The following DPF3 variants were observed in gnomAD, a reference collection of about 807,000 sequenced individuals.
DPF3 encodes double PHD fingers 3.
In DPF3, 18 loss-of-function variants were observed where a neutral mutation model predicts 56.8. The ratio of observed to expected loss-of-function variants is 0.32; its 90% CI spans 0.22 to 0.47. The LOEUF is 0.47. Among genes scored for constraint, DPF3 ranks in the 20% least tolerant of loss-of-function variants. The pLI, the probability that DPF3 is intolerant of heterozygous loss-of-function variation, is 1.00. For missense variants in DPF3, 403 were observed against 488.8 expected, an observed-to-expected ratio of 0.82 and a Z score of 1.65; for synonymous variants, 188 against 180.2, an observed-to-expected ratio of 1.04 and a Z score of -0.35.
intron 4 of DPF3, among the ~76,000 whole-genome samples, chr14:72,726,005 G>A (rs569392520): frequency 5.9e-5 from 9 of 152,350 alleles, no homozygotes; most frequent in Admixed American, 5.9e-4. Flanking sequence ...ATTGTCTGCT[G>A]GACATGACCT....
chr14:72,805,051 G>GACACAC (rs138162317), intron 1 of DPF3, among the ~76,000 whole-genome samples: 4 of 146,362 alleles, frequency 2.7e-5, no homozygotes, highest in African/African-American at 5.1e-5. Flanking sequence ...CACAGCCCTG[G>GACACAC]ACACACACAC....
intron 8 of DPF3, among the ~76,000 whole-genome samples, chr14:72,644,675 C>T (rs973464243): frequency 1.7e-4 from 26 of 152,166 alleles, no homozygotes; most frequent in African/African-American, 6.0e-4. Context: ...AGGGCCTTTC[C>T]TGGTACTTTG....
At chr14:72,792,104 C>G (rs114025955) in intron 1 of DPF3, among the ~76,000 whole-genome samples, 4,427 of 152,010 alleles carry the variant, frequency 0.029, 232 homozygotes, top group African/African-American at 0.1. Flanking sequence ...CGCCCCCAAC[C>G]CCGACCCACT....
chr14:72,714,035 T>G (rs1215556479), intron 6 of DPF3, among the ~76,000 whole-genome samples: 1 of 152,138 alleles, frequency 6.6e-6, no homozygotes, highest in East Asian at 1.9e-4. Flanking sequence ...GCCAAGTACC[T>G]TTGTCGGAGG....
At chr14:72,871,466 T>C (rs1431888328) in intron 1 of DPF3, among the ~76,000 whole-genome samples, 1 of 152,170 alleles carries the variant, frequency 6.6e-6, no homozygotes, top group Non-Finnish European at 1.5e-5. Flanking sequence ...TGGGAGAAAT[T>C]GGCCACAACA....
intron 8 of DPF3, among the ~76,000 whole-genome samples, chr14:72,638,786 G>A (rs566577185): frequency 6.6e-6 from 1 of 151,930 alleles, no homozygotes; most frequent in African/African-American, 2.4e-5. Context: ...AGGACTGACA[G>A]TGTACTCATG....
chr14:72,630,512 G>A (rs200652206), intron 8 of DPF3, among the ~76,000 whole-genome samples: 14 of 152,300 alleles, frequency 9.2e-5, no homozygotes, highest in East Asian at 5.8e-4. Context: ...CACAGCCCCC[G>A]TGAGCCATGC....
At chr14:72,753,134 T>G (rs1054785140) in intron 3 of DPF3, 130 bp downstream of exon 3, 2 of 724,430 alleles carry the variant, frequency 2.8e-6, no homozygotes, top group Admixed American at 5.6e-5. Flanking sequence ...TTAAGCATGA[T>G]GTGGGCATGT....
intron 3 of DPF3, among the ~76,000 whole-genome samples, chr14:72,738,846 GTA>G (rs1173188382): frequency 6.6e-6 from 1 of 151,960 alleles, no homozygotes; most frequent in African/African-American, 2.4e-5. Context: ...ATTTCACAAT[GTA>G]TATATATATT....
chr14:72,799,613 C>T (rs886537181), intron 1 of DPF3, among the ~76,000 whole-genome samples: 6 of 151,834 alleles, frequency 4.0e-5, no homozygotes, highest in Non-Finnish European at 7.4e-5. Context: ...GCACTCCAAC[C>T]TGGGCAACAG....
intron 8 of DPF3, among the ~76,000 whole-genome samples, chr14:72,636,972 A>G (rs1885403071): frequency 6.6e-6 from 1 of 152,224 alleles, no homozygotes; most frequent in Admixed American, 6.5e-5. Context: ...CTGTGCATCC[A>G]GCTCCACTCC....
chr14:72,688,400 A>G (rs1487008676), intron 7 of DPF3, among the ~76,000 whole-genome samples: 2 of 152,184 alleles, frequency 1.3e-5, no homozygotes, highest in Admixed American at 6.5e-5. Flanking sequence ...ACAGCTTTTC[A>G]TCCAGGCCCA....
At chr14:72,732,865 T>TTTCC (rs1889723258) in intron 3 of DPF3, among the ~76,000 whole-genome samples, 1 of 152,068 alleles carries the variant, frequency 6.6e-6, no homozygotes, top group Non-Finnish European at 1.5e-5. Flanking sequence ...CCTTTCTTTC[T>TTTCC]TTCCATTCTC....
At chr14:72,872,768 C>T (rs1278839303) in intron 1 of DPF3, among the ~76,000 whole-genome samples, 1 of 152,082 alleles carries the variant, frequency 6.6e-6, no homozygotes, top group Non-Finnish European at 1.5e-5. Flanking sequence ...AATAATGCCG[C>T]ATATCTACAA....
intron 2 of DPF3, among the ~76,000 whole-genome samples, chr14:72,758,419 G>C (rs773420188): frequency 6.6e-6 from 1 of 152,176 alleles, no homozygotes; most frequent in Non-Finnish European, 1.5e-5. Flanking sequence ...CCACGTTTGA[G>C]TTGAAGAGAA....
chr14:72,616,692 T>C lies in DPF3; in HGVS notation c.*2605A>G, dbSNP rs115672719. Among the ~76,000 whole-genome samples, 2,691 of 152,264 alleles carry C rather than the reference T, an allele frequency of 0.018. 82 individuals carry two copies. The highest frequency in any genetic ancestry group is 0.062 in the African/African-American group (2,568 of 41,530). ...GGGAGGTTAGGTGACTTGCCCAGTG[T>C]CACACAGCTACTCCATGGCAGAGGC... On this transcript the variant is annotated 3_prime_UTR_variant, in exon 11 of 11. Coordinates refer to ENST00000556509, the MANE Select transcript of DPF3 (RefSeq NM_001280542.3).
In DPF3 at chr14:72,614,006, G is replaced by A. The variant is rs2153565156; in HGVS notation, c.*5291C>T. ...CCCCACTCTCAGCTGTCCACTCACA[G>A]ACCAGAGGGTCTCCAGCCTCCCTAG... On this transcript the variant is annotated 3_prime_UTR_variant, in exon 11 of 11. Transcript: ENST00000556509. Among the ~76,000 whole-genome samples, 3 of 152,062 alleles carry A rather than the reference G, an allele frequency of 2.0e-5. No individual in the cohort carries two copies. The East Asian group carries it at 5.8e-4, about 29-fold the overall frequency.
intron 8 of DPF3, among the ~76,000 whole-genome samples, chr14:72,638,817 A>G (rs1270284330): frequency 9.1e-5 from 11 of 121,038 alleles, no homozygotes; most frequent in Admixed American, 4.1e-4. Flanking sequence ...ACTTTGTTTT[A>G]CATTTTTTTT....
intron 8 of DPF3, among the ~76,000 whole-genome samples, chr14:72,652,653 TG>T (rs1885947850): frequency 6.6e-6 from 1 of 152,182 alleles, no homozygotes; most frequent in African/African-American, 2.4e-5. Context: ...GAGGCAGACC[TG>T]GGGTGTTTAT....
Sources: allele counts gnomAD v4.1 joint callset (sites outside exome capture counted in the v4.1 genomes callset), GRCh38; gene constraint gnomAD v4.1.1; transcripts MANE v1.5; gene names NCBI Gene and HGNC (gene_info 2026-07-23, HGNC 2026-07-21).